The following KRT6A variants were observed in gnomAD, a reference collection of about 807,000 sequenced individuals.
KRT6A encodes the protein keratin, type II cytoskeletal 6A.
KRT6A carries 28 observed loss-of-function variants against 48.6 expected under a neutral mutation model. That is an observed-to-expected ratio of 0.58 (90% CI 0.43 to 0.79). The LOEUF is 0.79. KRT6A is among the 30% of genes least tolerant of loss of function. The probability of loss-of-function intolerance (pLI) is 0.00; values close to 1 mark genes in which losing one functional copy is unlikely to be tolerated. For missense variants in KRT6A, 687 were observed against 724.3 expected (o/e 0.95, Z 0.59); for synonymous variants, 301 against 294.2 (o/e 1.02, Z -0.24).
At position 52,487,567 on chromosome 12, in the gene KRT6A, GAGA is replaced by G; in HGVS notation, c.*150_*152del. 3 of 855,976 alleles carry G rather than the reference GAGA, an allele frequency of 3.5e-6. No individual in the cohort carries two copies. Among genetic ancestry groups the G allele is most frequent in the Non-Finnish European group, 5.5e-6 (3 of 541,624 alleles). 53.0% of individuals were successfully genotyped at this position (855,976 alleles called of 1,614,324 possible). A position where few individuals can be genotyped will look rare whatever the true frequency, so the allele number is the denominator to read the frequency against. On this transcript the variant is annotated 3_prime_UTR_variant, in exon 9 of 9. Coordinates refer to ENST00000330722, the MANE Select transcript of KRT6A (RefSeq NM_005554.4). The stretch of plus-strand genomic sequence containing the variant: ...GGTGCTCAGATGGTATAGAGAGAGA[GAGA>G]AGAAGTGAGGGCACTAAGCATCCAT...
In KRT6A at chr12:52,488,462, C is replaced by T. The variant is rs368052661; in HGVS notation, c.1290G>A (p.Leu430=). The change falls in exon 7 of 9, where the codon CTG becomes CTA. Residue 430 remains leucine, a synonymous_variant. Transcript: ENST00000330722. ...LKDAKNKLEG[L]EDALQKAKQD... Reference sequence around the variant, plus strand: ...GCTTGGCCTTCTGCAGGGCATCCTCCAGCCCTTCCAGCTTGTTCTTGGCAT... The same window carrying T: ...GCTTGGCCTTCTGCAGGGCATCCTCTAGCCCTTCCAGCTTGTTCTTGGCAT... 1 of 1,614,166 alleles carries T rather than the reference C, an allele frequency of 6.2e-7. No individual in the cohort carries two copies. Among genetic ancestry groups the T allele is most frequent in the Non-Finnish European group, 8.5e-7 (1 of 1,180,022 alleles).
chr12:52,493,247 G>A lies in KRT6A; in HGVS notation c.-59C>T. The stretch of plus-strand genomic sequence containing the variant: ...GAGAGGCTGGAGGAGAGAGGGAAGA[G>A]AAGCAGGACTAGGAATCAGGCTCGG... On this transcript the variant is annotated 5_prime_UTR_variant, in exon 1 of 9. Transcript: ENST00000330722. 6.2e-7 allele frequency: 1 copy of A among 1,612,294 alleles called. No individual in the cohort carries two copies. Among genetic ancestry groups the A allele is most frequent in the Non-Finnish European group, 8.5e-7 (1 of 1,179,184 alleles).
rs1053740 is a variant in KRT6A at position 52,487,729 on chromosome 12, A to G, written c.1686T>C (p.Tyr562=). Residue 562 remains tyrosine (Y), a synonymous_variant, in exon 9 of 9, where the codon TAT becomes TAC. Transcript: ENST00000330722. The part of the protein sequence containing the change: ...TTTSSSSRKS[Y]KH ...AGCTAGCAGACGCACTTTAGTGCTT[A>G]TAGCTCTTCCTGCTGGAGGAGGAGG... 6.2e-6 allele frequency: 10 copies of G among 1,614,084 alleles called. No individual in the cohort carries two copies. In the East Asian group the frequency reaches 6.7e-5, roughly 11 times the overall value.
chr12:52,491,682 G>T lies in KRT6A; in HGVS notation c.595C>A (p.Gln199Lys), dbSNP rs747800266. 17 of 1,614,068 alleles carry T rather than the reference G, an allele frequency of 1.1e-5. No homozygotes were observed. In the Admixed American group the frequency reaches 2.8e-4, roughly 27 times the overall value. The change falls in exon 2 of 9, where the codon CAG (glutamine) becomes AAG (lysine). Residue 199 changes from glutamine to lysine, a missense_variant. Physicochemically the swap from Gln to Lys is moderately conservative, Grantham distance 53. Around this residue, in one of 3 missense-constraint regions of KRT6A, gnomAD observed 566 missense variants for 565.3 expected, o/e 1.00. Transcript: ENST00000330722. The stretch of plus-strand genomic sequence containing the variant: ...CTCACAGTCTTGGTGCCCTGCTCCT[G>T]CAGCAGGGTCCACTTTGTTTCCAGA... ...KVLETKWTLL[Q>K]EQGTKTVRQN...
At position 52,487,572 on chromosome 12, in the gene KRT6A, G is replaced by A; in HGVS notation, c.*148C>T. The A allele has an allele frequency of 1.1e-6, 1 of 892,458 alleles. No individual in the cohort carries two copies. The highest frequency in any genetic ancestry group is 1.7e-6 in the Non-Finnish European group (1 of 572,258). The allele number at this position is 892,458 out of a possible 1,614,324, so 55.3% of individuals were successfully genotyped here. On this transcript the variant is annotated 3_prime_UTR_variant, in exon 9 of 9. Coordinates refer to ENST00000330722, the MANE Select transcript of KRT6A (RefSeq NM_005554.4). ...TCAGATGGTATAGAGAGAGAGAGAA[G>A]AAGTGAGGGCACTAAGCATCCATAC...
Position 52,487,669 on chromosome 12 carries a change from C to G in KRT6A, c.*51G>C. On this transcript the variant is annotated 3_prime_UTR_variant, in exon 9 of 9. Coordinates refer to ENST00000330722, the MANE Select transcript of KRT6A (RefSeq NM_005554.4). ...AAGGCAACCTGAGGAGAGGGCTCTG[C>G]AGCCAGAGAGGGGCCTGAGGACTGT... 6.2e-7 allele frequency: 1 copy of G among 1,612,016 alleles called. No individual in the cohort carries two copies. The highest frequency in any genetic ancestry group is 2.2e-5 in the East Asian group (1 of 44,874).
In KRT6A at chr12:52,488,366, G is replaced by A. The variant is rs370853930; in HGVS notation, c.1386C>T (p.Ile462=). 4.9e-5 allele frequency: 79 copies of A among 1,614,120 alleles called. No homozygotes were observed. The East Asian group carries it at 1.0e-3, about 21-fold the overall frequency. The change falls in exon 7 of 9, where the codon ATC becomes ATT. Residue 462 remains isoleucine (I), a synonymous_variant. Transcript: ENST00000330722. ...MNVKLALDVE[I]ATYRKLLEGE... ...CCTCCAGCAGCTTGCGGTAGGTGGC[G>A]ATCTCCACGTCCAGGGCCAGCTTGA...
intron 5 of KRT6A, 84 bp from the exon 6 acceptor site, chr12:52,490,152 C>G: frequency 1.9e-6 from 3 of 1,610,638 alleles, no homozygotes; most frequent in Non-Finnish European, 2.5e-6. Context: ...TCATGCATGT[C>G]ATGAAGTGGA....
Position 52,488,376 on chromosome 12 carries a change from T to G in KRT6A, c.1376A>C (p.Asp459Ala). 1 of 1,614,148 alleles carries G rather than the reference T, an allele frequency of 6.2e-7. No homozygotes were observed. Among genetic ancestry groups the G allele is most frequent in the Admixed American group, 1.7e-5 (1 of 60,028 alleles). Residue 459 changes from aspartate (D) to alanine (A), a missense_variant, in exon 7 of 9, where the codon GAC (aspartate) becomes GCC (alanine). Coordinates refer to ENST00000330722, the MANE Select transcript of KRT6A (RefSeq NM_005554.4). ...QELMNVKLAL[D>A]VEIATYRKLL... ...CTTGCGGTAGGTGGCGATCTCCACG[T>G]CCAGGGCCAGCTTGACATTCATCAG...
At position 52,488,537 on chromosome 12, in the gene KRT6A, C is replaced by A; in HGVS notation, c.1215G>T (p.Leu405=). 6.2e-7 allele frequency: 1 copy of A among 1,614,118 alleles called. No homozygotes were observed. Among genetic ancestry groups the A allele is most frequent in the African/African-American group, 1.3e-5 (1 of 75,022 alleles). Reference sequence around the variant, plus strand: ...GCTCAGCATCAGCAATGGCGGCCTGCAGGTTGGCGCACTGGAAGAGGAAAG... The same window carrying A: ...GCTCAGCATCAGCAATGGCGGCCTGAAGGTTGGCGCACTGGAAGAGGAAAG... ...IDHVKKQCAN[L]QAAIADAEQR... is the part of the protein sequence containing the mutation. The change falls in exon 7 of 9, where the codon CTG becomes CTT. Residue 405 remains leucine (L), a synonymous_variant. Coordinates refer to ENST00000330722, the MANE Select transcript of KRT6A (RefSeq NM_005554.4).
chr12:52,489,996 T>A lies in KRT6A; in HGVS notation c.1150A>T (p.Ile384Phe), dbSNP rs1400036119. 1.2e-6 allele frequency: 2 copies of A among 1,614,048 alleles called. No individual in the cohort carries two copies. Among genetic ancestry groups the A allele is most frequent in the Non-Finnish European group, 1.7e-6 (2 of 1,180,008 alleles). Reference sequence around the variant, plus strand: ...CTCAGCCTCTGGATCATGCGGTTGATCTCAGCAATCTCCTGCTTGGTGTTG... The same window carrying A: ...CTCAGCCTCTGGATCATGCGGTTGAACTCAGCAATCTCCTGCTTGGTGTTG... ...LRNTKQEIAE[I>F]NRMIQRLRSE... is the part of the protein sequence containing the mutation. Residue 384 changes from isoleucine (I) to phenylalanine (F), a missense_variant, in exon 6 of 9, where the codon ATC (isoleucine) becomes TTC (phenylalanine). Physicochemically the swap from Ile to Phe is conservative, Grantham distance 21 (BLOSUM62 0). Coordinates refer to ENST00000330722, the MANE Select transcript of KRT6A (RefSeq NM_005554.4).
In KRT6A at chr12:52,491,706, G is replaced by A. The variant is rs776558781; in HGVS notation, c.571C>T (p.Leu191=). The A allele has an allele frequency of 3.1e-6, 5 of 1,614,194 alleles. No homozygotes were observed. The East Asian group carries it at 1.1e-4, about 36-fold the overall frequency. The change falls in exon 2 of 9, where the codon CTG becomes TTG. Residue 191 remains leucine, a synonymous_variant. Transcript: ENST00000330722. ...VRFLEQQNKV[L]ETKWTLLQEQ... ...TGCAGCAGGGTCCACTTTGTTTCCA[G>A]AACCTTGTTCTGCTGCTCCAGGAAC...
chr12:52,488,394 T>G lies in KRT6A; in HGVS notation c.1358A>C (p.Asn453Thr). 1 of 1,614,096 alleles carries G rather than the reference T, an allele frequency of 6.2e-7. No homozygotes were observed. Among genetic ancestry groups the G allele is most frequent in the Non-Finnish European group, 8.5e-7 (1 of 1,180,018 alleles). ...CTCCACGTCCAGGGCCAGCTTGACA[T>G]TCATCAGCTCCTGGTACTCCTTCAG... Reference protein sequence around the residue: ...RLLKEYQELMNVKLALDVEIA... With the variant: ...RLLKEYQELMTVKLALDVEIA... Residue 453 changes from asparagine (N) to threonine (T), a missense_variant, in exon 7 of 9, where the codon AAT becomes ACT. Transcript: ENST00000330722.
chr12:52,489,550 A>C (rs1938216232), intron 6 of KRT6A, among the ~76,000 whole-genome samples: 1 of 152,160 alleles, frequency 6.6e-6, no homozygotes, highest in Non-Finnish European at 1.5e-5. Flanking sequence ...AAGTGCTGGG[A>C]TTACAGGCAT....
At position 52,490,466 on chromosome 12, in the gene KRT6A, G is replaced by A. The variant is rs1938239505; in HGVS notation, c.1077+103C>T. 3.8e-6 allele frequency: 6 copies of A among 1,559,830 alleles called. No individual in the cohort carries two copies. The South Asian group carries it at 4.4e-5, about 12-fold the overall frequency. ...GTGCAGAGTGCATGTCCTGTGAGAGGACCCCAGCTTCCTGTCAGGGGATGT... is the reference window on the plus strand; with the variant it reads ...GTGCAGAGTGCATGTCCTGTGAGAGAACCCCAGCTTCCTGTCAGGGGATGT... On this transcript the variant is annotated intron_variant, in intron 5 of 8. Transcript: ENST00000330722.
At chr12:52,489,922 C>A in intron 6 of KRT6A, 21 bp downstream of exon 6, 3 of 1,614,136 alleles carry the variant, frequency 1.9e-6, no homozygotes, top group Non-Finnish European at 2.5e-6. Context: ...TGCTTCTCTC[C>A]TCCATTGTCC....
chr12:52,493,242 GA>G lies in KRT6A; in HGVS notation c.-55del. On this transcript the variant is annotated 5_prime_UTR_variant, in exon 1 of 9. Coordinates refer to ENST00000330722, the MANE Select transcript of KRT6A (RefSeq NM_005554.4). ...AGTGTGAGAGGCTGGAGGAGAGAGG[GA>G]AGAGAAGCAGGACTAGGAATCAGGC... 1 of 1,613,014 alleles carries G rather than the reference GA, an allele frequency of 6.2e-7. No individual in the cohort carries two copies. The highest frequency in any genetic ancestry group is 1.1e-5 in the South Asian group (1 of 90,924).
Position 52,487,229 on chromosome 12 carries a change from A to T in KRT6A, c.*491T>A, listed in dbSNP as rs1459044846. On this transcript the variant is annotated 3_prime_UTR_variant, in exon 9 of 9. Coordinates refer to ENST00000330722, the MANE Select transcript of KRT6A (RefSeq NM_005554.4). ...ATTGCAAACAGCGAAGAGCACAGAA[A>T]TCATCACAGAGATACAGGCTTTGTA... The T allele has an allele frequency of 5.9e-6, 1 of 169,652 alleles. No individual in the cohort carries two copies. The highest frequency in any genetic ancestry group is 1.5e-4 in the East Asian group (1 of 6,596). The allele number at this position is 169,652 out of a possible 1,614,324, so 10.5% of individuals were successfully genotyped here.
chr12:52,491,290 A>C, intron 2 of KRT6A, 118 bp from the exon 3 acceptor site: 1 of 1,573,160 alleles, frequency 6.4e-7, no homozygotes, highest in Non-Finnish European at 8.7e-7. Context: ...TTCCTGCCAC[A>C]GAGAGCCTAA....
Sources: gnomAD v4.1 joint callset for allele counts (sites outside exome capture counted in the v4.1 genomes callset) on GRCh38, gnomAD v4.1.1 for gene constraint, gnomAD v4.1.1 regional missense constraint, MANE v1.5 for transcripts, NCBI Gene and HGNC (gene_info 2026-07-23, HGNC 2026-07-21) for gene names.